HMCN1: variants seen among roughly 807,000 people sequenced by gnomAD.
HMCN1 encodes hemicentin-1.
HMCN1 carries 321 observed loss-of-function variants against 625.9 expected under a neutral mutation model. The observed-to-expected ratio is 0.51, with a 90% CI of 0.47 to 0.56. The LOEUF is 0.56. Among genes scored for constraint, HMCN1 ranks in the 20% least tolerant of loss-of-function variants. HMCN1 has a pLI of 0.00. For synonymous variants in HMCN1, 2,425 were observed against 2,417.6 expected (o/e 1.00, Z -0.09); for missense variants, 6,588 against 6,887.3 (o/e 0.96, Z 1.54).
intron 68 of HMCN1, among the ~76,000 whole-genome samples, chr1:186,101,007 G>A (rs1417441197): frequency 6.6e-6 from 1 of 151,980 alleles, no homozygotes; most frequent in African/African-American, 2.4e-5. Context: ...CATCTCATTG[G>A]TCAGAATTGT....
intron 34 of HMCN1, among the ~76,000 whole-genome samples, chr1:186,018,649 C>T (rs892373235): frequency 2.0e-5 from 3 of 151,874 alleles, no homozygotes; most frequent in Admixed American, 2.0e-4. Context: ...ACATAGAATG[C>T]CAAGGTCTGA....
chr1:185,746,308 G>C (rs912702212), intron 1 of HMCN1, among the ~76,000 whole-genome samples: 1 of 152,204 alleles, frequency 6.6e-6, no homozygotes, highest in Admixed American at 6.5e-5. Context: ...TTCAGTTTCA[G>C]TATGCCCAAG....
intron 57 of HMCN1, among the ~76,000 whole-genome samples, chr1:186,085,600 C>T (rs1205005098): frequency 2.0e-5 from 3 of 152,062 alleles, no homozygotes; most frequent in African/African-American, 7.2e-5. Flanking sequence ...TAACAGCCCC[C>T]TCTCACTTTC....
chr1:185,927,317 G>A (rs1439748086), intron 9 of HMCN1, among the ~76,000 whole-genome samples: 3 of 152,244 alleles, frequency 2.0e-5, no homozygotes, highest in Non-Finnish European at 2.9e-5. Flanking sequence ...GTTAAGCATC[G>A]AAGATACAGC....
intron 16 of HMCN1, 33 bp downstream of exon 16, chr1:185,978,014 T>TATAACATAAAA: frequency 1.4e-6 from 2 of 1,421,044 alleles, no homozygotes; most frequent in Non-Finnish European, 2.0e-6. Flanking sequence ...TGTACGAATA[T>TATAACATAAAA]GTACTTTTAT....
chr1:186,136,737 G>T lies in HMCN1; in HGVS notation c.13382G>T (p.Cys4461Phe). Reference sequence around the variant, plus strand: ...GCTGGTGGCAAAATCATATTGAATTGTCAGGCAACTGGAGAGCCTCAACCA... The same window carrying T: ...GCTGGTGGCAAAATCATATTGAATTTTCAGGCAACTGGAGAGCCTCAACCA... ...INAGGKIILN[C>F]QATGEPQPTI... Residue 4461 changes from cysteine to phenylalanine, a missense_variant, in exon 87 of 107, where the codon TGT becomes TTT. This residue lies in a region of HMCN1 where 1,954 missense variants were observed against 2,013.1 expected (regional missense o/e 0.97). Transcript: ENST00000271588. 1.9e-6 allele frequency: 3 copies of T among 1,613,982 alleles called. No homozygotes were observed. The highest frequency in any genetic ancestry group is 2.5e-6 in the Non-Finnish European group (3 of 1,179,922).
Position 186,108,582 on chromosome 1 carries a change from T to G in HMCN1, c.10974T>G (p.Asn3658Lys). 6.2e-7 allele frequency: 1 copy of G among 1,614,066 alleles called. No homozygotes were observed. The highest frequency in any genetic ancestry group is 8.5e-7 in the Non-Finnish European group (1 of 1,180,004). ...VPPPVITWLR[N>K]GERLQATPRV... ...CACCTGTAATTACTTGGCTCAGAAA[T>G]GGAGAACGGTTACAGGTAAATTTTT... Residue 3658 changes from asparagine (N) to lysine (K), a missense_variant, in exon 71 of 107, where the codon AAT becomes AAG. This residue lies in a region of HMCN1 where 4,628 missense variants were observed against 4,853.1 expected (regional missense o/e 0.95). Coordinates refer to ENST00000271588, the MANE Select transcript of HMCN1 (RefSeq NM_031935.3).
chr1:185,964,537 A>G (rs571780179), intron 13 of HMCN1, among the ~76,000 whole-genome samples: 50 of 152,272 alleles, frequency 3.3e-4, no homozygotes, highest in South Asian at 6.2e-4. Flanking sequence ...TTCAAAAGAG[A>G]TAATAAAGAT....
In HMCN1 at chr1:186,128,202, A is replaced by G. The variant is rs1297962727; in HGVS notation, c.12815A>G (p.Asn4272Ser). The G allele has an allele frequency of 1.2e-6, 2 of 1,613,718 alleles. No homozygotes were observed. The highest frequency in any genetic ancestry group is 1.7e-6 in the Non-Finnish European group (2 of 1,179,764). Reference protein sequence around the residue: ...FTELPGDVSLNKGEQLRLSCK... With the variant: ...FTELPGDVSLSKGEQLRLSCK... ...GAACTTCCTGGAGACGTGTCATTAA[A>G]TAAAGGAGAACAGCTACGATTAAGC... The change falls in exon 83 of 107, where the codon AAT becomes AGT. Residue 4272 changes from asparagine (N) to serine (S), a missense_variant. Physicochemically the swap from Asn to Ser is conservative, Grantham distance 46. Transcript: ENST00000271588.
Position 186,115,416 on chromosome 1 carries a change from T to C in HMCN1, c.11561+2T>C. 1 of 1,611,820 alleles carries C rather than the reference T, an allele frequency of 6.2e-7. No homozygotes were observed. Among genetic ancestry groups the C allele is most frequent in the Non-Finnish European group, 8.5e-7 (1 of 1,178,666 alleles). On this transcript the variant is annotated splice_donor_variant, in intron 75 of 106. Coordinates refer to ENST00000271588, the MANE Select transcript of HMCN1 (RefSeq NM_031935.3). LOFTEE classifies it high-confidence loss of function. ...GGATCAAAATCAGAACTCATACAGGTAAGGATAATTTAAAACTCCTACCAA... is the reference window on the plus strand; with the variant it reads ...GGATCAAAATCAGAACTCATACAGGCAAGGATAATTTAAAACTCCTACCAA...
chr1:185,831,480 G>A (rs1039372854), intron 1 of HMCN1, among the ~76,000 whole-genome samples: 3 of 152,026 alleles, frequency 2.0e-5, no homozygotes, highest in African/African-American at 7.2e-5. Flanking sequence ...ATAATTTTAG[G>A]AACAAAACAG....
rs140475417 is a variant in HMCN1 at position 185,862,740 on chromosome 1, G to A, written c.340-1730G>A. On this transcript the variant is annotated intron_variant, in intron 2 of 106. Coordinates refer to ENST00000271588, the MANE Select transcript of HMCN1 (RefSeq NM_031935.3). The stretch of plus-strand genomic sequence containing the variant: ...GAGATAAGTTCTGCAAAAAGAGAAA[G>A]GACTGCTAACTCGATAACATTTTGG... Among the ~76,000 whole-genome samples the A allele has an allele frequency of 3.9e-5, 6 of 152,206 alleles. No individual in the cohort carries two copies. In the East Asian group the frequency reaches 5.8e-4, roughly 15 times the overall value.
chr1:185,995,556 A>T (rs189529951), intron 24 of HMCN1, among the ~76,000 whole-genome samples: 1 of 152,178 alleles, frequency 6.6e-6, no homozygotes, highest in African/African-American at 2.4e-5. Context: ...CTTGCCAGGC[A>T]TCTGTCATGT....
chr1:186,164,464 C>G (rs1056649868), intron 97 of HMCN1, among the ~76,000 whole-genome samples: 1 of 151,992 alleles, frequency 6.6e-6, no homozygotes, highest in Admixed American at 6.6e-5. Context: ...AGGATGGTCT[C>G]GATCTCCTGA....
At position 186,045,805 on chromosome 1, in the gene HMCN1, G is replaced by A. The variant is rs1457164981; in HGVS notation, c.6422G>A (p.Gly2141Asp). ...CCTACTCTTACTTGGTTAAAAGACG[G>A]CCACCCCTTGCTGAAGAAACCAGGC... is the stretch of plus-strand genomic sequence containing the variant. Reference protein sequence around the residue: ...PPPTLTWLKDGHPLLKKPGLS... With the variant: ...PPPTLTWLKDDHPLLKKPGLS... The change falls in exon 41 of 107, where the codon GGC (glycine) becomes GAC (aspartate). Residue 2141 changes from glycine (G) to aspartate (D), a missense_variant. By Grantham distance (94) the Gly-to-Asp change is moderately conservative. Around this residue, in one of 3 missense-constraint regions of HMCN1, gnomAD observed 4,628 missense variants for 4,853.1 expected, o/e 0.95. Coordinates refer to ENST00000271588, the MANE Select transcript of HMCN1 (RefSeq NM_031935.3). 1.2e-6 allele frequency: 2 copies of A among 1,613,078 alleles called. No individual in the cohort carries two copies. Among genetic ancestry groups the A allele is most frequent in the Non-Finnish European group, 1.7e-6 (2 of 1,179,282 alleles).
intron 86 of HMCN1, 117 bp from the exon 87 acceptor site, chr1:186,136,551 C>A: frequency 1.1e-6 from 1 of 900,966 alleles, no homozygotes; most frequent in Non-Finnish European, 1.8e-6. Flanking sequence ...TGGGAAGCAA[C>A]AGTGTTTTAT....
In HMCN1 at chr1:186,166,819, T is replaced by C. The variant is rs556864007; in HGVS notation, c.15451T>C (p.Cys5151Arg). The change falls in exon 100 of 107, where the codon TGT (cysteine) becomes CGT (arginine). Residue 5151 changes from cysteine (C) to arginine (R), a missense_variant. Physicochemically the swap from Cys to Arg is radical, Grantham distance 180. Around this residue, in one of 3 missense-constraint regions of HMCN1, gnomAD observed 1,954 missense variants for 2,013.1 expected, o/e 0.97. Transcript: ENST00000271588. ...TCCCTCTGTTGCAGATATTGATGAG[T>C]GTGCTTTGGGTAGGCATACCTGCCA... is the stretch of plus-strand genomic sequence containing the variant. ...DGRTCQDIDE[C>R]ALGRHTCHAG... is the part of the protein sequence containing the mutation. The C allele has an allele frequency of 6.2e-7, 1 of 1,614,106 alleles. No homozygotes were observed. The highest frequency in any genetic ancestry group is 1.3e-5 in the African/African-American group (1 of 75,042).
chr1:186,128,389 G>T (rs772093458), intron 83 of HMCN1, 98 bp downstream of exon 83: 45 of 963,460 alleles, frequency 4.7e-5, no homozygotes, highest in Non-Finnish European at 7.1e-5. Context: ...AAAGTAACAA[G>T]AATTGATTGC....
At chr1:186,121,129 G>T (rs1661377491) in intron 80 of HMCN1, among the ~76,000 whole-genome samples, 1 of 152,184 alleles carries the variant, frequency 6.6e-6, no homozygotes, top group South Asian at 2.1e-4. Flanking sequence ...AGTCAAGAAA[G>T]AGTGAGAAAA....
Sources: allele counts gnomAD v4.1 joint callset (sites outside exome capture counted in the v4.1 genomes callset), GRCh38; gene constraint gnomAD v4.1.1; regional missense constraint gnomAD v4.1.1; transcripts MANE v1.5; gene names NCBI Gene and HGNC (gene_info 2026-07-23, HGNC 2026-07-21).